DLGAP1: variants seen among roughly 807,000 people sequenced by gnomAD.
The protein encoded by DLGAP1 is disks large-associated protein 1.
A neutral mutation model predicts 90.8 loss-of-function variants in DLGAP1; 11 were observed. The ratio of observed to expected loss-of-function variants is 0.12; its 90% CI spans 0.08 to 0.20. The LOEUF (loss-of-function observed/expected upper bound fraction) is 0.20, where lower values mean the gene tolerates loss of function less well. Among genes scored for constraint, DLGAP1 ranks in the 10% least tolerant of loss-of-function variants. The pLI, the probability that DLGAP1 is intolerant of heterozygous loss-of-function variation, is 1.00. For missense variants in DLGAP1, 1,050 were observed against 1,333.8 expected, an observed-to-expected ratio of 0.79 and a Z score of 3.31; for synonymous variants, 558 against 540.7, an observed-to-expected ratio of 1.03 and a Z score of -0.44.
intron 1 of DLGAP1, among the ~76,000 whole-genome samples, chr18:4,220,741 A>G (rs1324649788): frequency 6.6e-6 from 1 of 152,228 alleles, no homozygotes; most frequent in East Asian, 1.9e-4. Flanking sequence ...CTACAAATCT[A>G]TCTAGATGAA....
chr18:3,874,334 A>G, intron 4 of DLGAP1: 1 of 1,520,584 alleles, frequency 6.6e-7, no homozygotes, highest in Non-Finnish European at 8.8e-7. Context: ...CCGCGGAGAG[A>G]GCGTTTTGTT....
chr18:3,623,396 T>G lies in DLGAP1; in HGVS notation c.1592-41148A>C, dbSNP rs189949302. Among the ~76,000 whole-genome samples, 228 of 152,306 alleles carry G rather than the reference T, an allele frequency of 1.5e-3. 2 individuals carry two copies. The highest frequency in any genetic ancestry group is 0.012 in the Admixed American group (186 of 15,296). On this transcript the variant is annotated intron_variant, in intron 7 of 12. Coordinates refer to ENST00000315677, the MANE Select transcript of DLGAP1 (RefSeq NM_004746.4). ...CTTCCATTTCCAGGCTTCGCATGTA[T>G]AAGAGGTCCTAGACACAAATTCACC...
chr18:4,144,038 C>G (rs977612764), intron 2 of DLGAP1, among the ~76,000 whole-genome samples: 1 of 152,256 alleles, frequency 6.6e-6, no homozygotes, highest in Non-Finnish European at 1.5e-5. Flanking sequence ...GGGAAGAAGT[C>G]TCTCTTAGGG....
intron 5 of DLGAP1, among the ~76,000 whole-genome samples, chr18:3,798,157 C>T (rs1158660638): frequency 1.3e-5 from 2 of 152,228 alleles, no homozygotes; most frequent in African/African-American, 4.8e-5. Flanking sequence ...CCTGTAAACA[C>T]AGGCAAACAC....
At chr18:3,949,165 C>T (rs1003271354) in intron 3 of DLGAP1, among the ~76,000 whole-genome samples, 2 of 152,186 alleles carry the variant, frequency 1.3e-5, no homozygotes, top group Admixed American at 6.5e-5. Context: ...TGTCATACAT[C>T]TGTCTCTTGG....
rs551883832 is a variant in DLGAP1 at position 4,053,645 on chromosome 18, A to C, written c.-158-48444T>G. Among the ~76,000 whole-genome samples the C allele has an allele frequency of 1.2e-3, 177 of 152,164 alleles. 1 individual carries two copies. Among genetic ancestry groups the C allele is most frequent in the African/African-American group, 4.2e-3 (174 of 41,514 alleles). On this transcript the variant is annotated intron_variant, in intron 2 of 12. Transcript: ENST00000315677. ...GTGAAGAGGTGCCTGCTTCCCCTTC[A>C]CCTTTCACCATGATTGAAAATTTCC...
At chr18:4,182,356 G>C (rs929816243) in intron 1 of DLGAP1, among the ~76,000 whole-genome samples, 6 of 152,116 alleles carry the variant, frequency 3.9e-5, no homozygotes, top group Admixed American at 6.6e-5. Context: ...AACCACTGAA[G>C]AGAGTTTTTC....
In DLGAP1 at chr18:4,378,023, T is replaced by C. The variant is rs1471098277; in HGVS notation, c.-267+76983A>G. ...CCATATTACAGAATGATATGAAATC[T>C]ATCTATTTTTGTCTATGTGTTTTTA... On this transcript the variant is annotated intron_variant, in intron 1 of 12. Transcript: ENST00000315677. The surrounding 1 kb of genome is among the most constrained non-coding windows in gnomAD (Gnocchi z 4.5). Among the ~76,000 whole-genome samples, 1 of 150,910 alleles carries C rather than the reference T, an allele frequency of 6.6e-6. No homozygotes were observed. Among genetic ancestry groups the C allele is most frequent in the African/African-American group, 2.4e-5 (1 of 41,260 alleles).
At chr18:3,813,322 T>C (rs1313515284) in intron 5 of DLGAP1, among the ~76,000 whole-genome samples, 1 of 152,124 alleles carries the variant, frequency 6.6e-6, no homozygotes, top group African/African-American at 2.4e-5. Context: ...ATTTGCTGTA[T>C]AGGTTTGCAA....
At chr18:3,942,836 AT>A (rs890568490) in intron 3 of DLGAP1, among the ~76,000 whole-genome samples, 1 of 151,944 alleles carries the variant, frequency 6.6e-6, no homozygotes, top group African/African-American at 2.4e-5. Context: ...ATGAAGATGC[AT>A]TTTTTTTCTG....
intron 2 of DLGAP1, among the ~76,000 whole-genome samples, chr18:4,051,635 G>A (rs193204766): frequency 4.7e-4 from 71 of 152,224 alleles, no homozygotes; most frequent in African/African-American, 1.6e-3. Context: ...TCATTCTGCC[G>A]CTGGCCCCTC....
At chr18:3,713,496 G>C (rs578224136) in intron 7 of DLGAP1, among the ~76,000 whole-genome samples, 2 of 152,176 alleles carry the variant, frequency 1.3e-5, no homozygotes, top group Admixed American at 6.5e-5. Flanking sequence ...TGTTACAGTG[G>C]CTTGTTAGTA....
chr18:3,838,622 A>G (rs1280819036), intron 4 of DLGAP1, among the ~76,000 whole-genome samples: 1 of 152,234 alleles, frequency 6.6e-6, no homozygotes, highest in African/African-American at 2.4e-5. Flanking sequence ...TAATCACTTG[A>G]TAACTCATTA....
intron 7 of DLGAP1, among the ~76,000 whole-genome samples, chr18:3,687,079 A>G (rs1023127042): frequency 2.0e-5 from 3 of 152,230 alleles, no homozygotes; most frequent in Non-Finnish European, 4.4e-5. Context: ...AAACTGGAAA[A>G]GACAAGGAAA....
intron 9 of DLGAP1, among the ~76,000 whole-genome samples, chr18:3,544,146 C>T (rs547389269): frequency 1.1e-4 from 16 of 152,208 alleles, no homozygotes; most frequent in Admixed American, 6.5e-4. Context: ...TCCCAACACC[C>T]GGGGAGGCTG....
At chr18:4,330,365 C>T (rs543888825) in intron 1 of DLGAP1, among the ~76,000 whole-genome samples, 4 of 151,612 alleles carry the variant, frequency 2.6e-5, no homozygotes, top group African/African-American at 7.3e-5. Flanking sequence ...TATTTAATTA[C>T]GTCCTTGACT....
intron 2 of DLGAP1, among the ~76,000 whole-genome samples, chr18:4,145,119 C>T (rs1278206589): frequency 1.3e-5 from 2 of 152,250 alleles, no homozygotes; most frequent in Non-Finnish European, 2.9e-5. Context: ...AACAATATCA[C>T]CACCCCCACA....
At chr18:4,164,553 G>A (rs148951533) in intron 1 of DLGAP1, among the ~76,000 whole-genome samples, 88 of 152,118 alleles carry the variant, frequency 5.8e-4, no homozygotes, top group African/African-American at 2.0e-3. Flanking sequence ...GGTCATGGGC[G>A]CCTGTAATCC....
intron 4 of DLGAP1, among the ~76,000 whole-genome samples, chr18:3,846,274 T>A (rs955928374): frequency 1.3e-5 from 2 of 152,214 alleles, no homozygotes; most frequent in African/African-American, 2.4e-5. Flanking sequence ...GACTTACACC[T>A]TTCCTTTCTT....
Sources: gnomAD v4.1 joint callset for allele counts (sites outside exome capture counted in the v4.1 genomes callset) on GRCh38, gnomAD v4.1.1 for gene constraint, Gnocchi (gnomAD v3.1) non-coding constraint, MANE v1.5 for transcripts, NCBI Gene and HGNC (gene_info 2026-07-23, HGNC 2026-07-21) for gene names.